LYRM4: variants seen among roughly 807,000 people sequenced by gnomAD.
LYRM4 encodes LYR motif-containing protein 4.
In LYRM4, 9 loss-of-function variants were observed where a neutral mutation model predicts 11.7. That is an observed-to-expected ratio of 0.77 (90% confidence interval 0.46 to 1.34). The LOEUF is 1.34. LYRM4 is among the 40% of genes most tolerant of loss of function. LYRM4 has a pLI of 0.00. For missense variants in LYRM4, 133 were observed against 112.5 expected, an observed-to-expected ratio of 1.18 and a Z score of -0.82; for synonymous variants, 42 against 40.4, an observed-to-expected ratio of 1.04 and a Z score of -0.15.
intron 2 of LYRM4, among the ~76,000 whole-genome samples, chr6:5,151,273 C>T (rs771208698): frequency 2.6e-5 from 4 of 152,000 alleles, no homozygotes; most frequent in Non-Finnish European, 4.4e-5. Flanking sequence ...TTAGTAGAGA[C>T]GGGTTTTCAC....
intron 2 of LYRM4, among the ~76,000 whole-genome samples, chr6:5,171,422 A>G (rs1194735616): frequency 1.3e-5 from 2 of 152,208 alleles, no homozygotes; most frequent in African/African-American, 2.4e-5. Context: ...CATTTGGAAG[A>G]CCTATTCTGG....
At chr6:5,201,388 T>G (rs6934882) in intron 2 of LYRM4, among the ~76,000 whole-genome samples, 54,093 of 151,934 alleles carry the variant, frequency 0.36, 10,535 homozygotes, top group East Asian at 0.57. Flanking sequence ...CCTGGAAACA[T>G]ACCAATGCAT....
chr6:5,169,894 CAG>C (rs1219644191), intron 2 of LYRM4, among the ~76,000 whole-genome samples: 1 of 152,144 alleles, frequency 6.6e-6, no homozygotes, highest in African/African-American at 2.4e-5. Context: ...AGAAAGCTTT[CAG>C]AGAGACAAGC....
At chr6:5,103,480 T>C (rs2127589893), downstream of LYRM4, 1 of 152,334 alleles carries the variant, frequency 6.6e-6, no homozygotes, top group East Asian at 1.9e-4. Flanking sequence ...TTTGATCACG[T>C]GGGTTCAGAC....
intron 1 of LYRM4, among the ~76,000 whole-genome samples, chr6:5,227,564 A>G (rs1036154126): frequency 2.6e-5 from 4 of 152,200 alleles, no homozygotes. Context: ...GAAATTCCCC[A>G]AGGAATTTGT....
chr6:5,057,111 CA>C, the LYRM4 span, among the ~76,000 whole-genome samples: 2 of 152,102 alleles, frequency 1.3e-5, no homozygotes, highest in Non-Finnish European at 2.9e-5. Context: ...GGTATCAGTG[CA>C]AGTGTCCACA....
At chr6:5,171,790 C>T (rs956901536) in intron 2 of LYRM4, among the ~76,000 whole-genome samples, 7 of 152,170 alleles carry the variant, frequency 4.6e-5, no homozygotes, top group Non-Finnish European at 8.8e-5. Flanking sequence ...GATGAGATTT[C>T]CCCTGTTTTA....
intron 2 of LYRM4, among the ~76,000 whole-genome samples, chr6:5,191,561 T>G (rs560628367): frequency 6.6e-6 from 1 of 152,328 alleles, no homozygotes; most frequent in East Asian, 1.9e-4. Flanking sequence ...AATTTACCTG[T>G]CTGTAATTTA....
chr6:5,096,408 TGA>T, the LYRM4 span, among the ~76,000 whole-genome samples: 1 of 152,132 alleles, frequency 6.6e-6, no homozygotes, highest in Non-Finnish European at 1.5e-5. Flanking sequence ...GAGGATTGCT[TGA>T]GCCTGGGAGG....
At chr6:5,124,704 C>A (rs1763623827) in intron 2 of LYRM4, among the ~76,000 whole-genome samples, 1 of 152,208 alleles carries the variant, frequency 6.6e-6, no homozygotes, top group African/African-American at 2.4e-5. Context: ...CAGCAAGTGT[C>A]CCTGACCCAC....
At chr6:5,205,158 T>C (rs978045117) in intron 2 of LYRM4, among the ~76,000 whole-genome samples, 1 of 152,246 alleles carries the variant, frequency 6.6e-6, no homozygotes, top group Non-Finnish European at 1.5e-5. Context: ...AATGTGATCA[T>C]GCTATTAAGC....
chr6:5,230,381 T>C (rs185929391), intron 1 of LYRM4, among the ~76,000 whole-genome samples: 1 of 152,320 alleles, frequency 6.6e-6, no homozygotes, highest in East Asian at 1.9e-4. Flanking sequence ...ATAGTCCCCA[T>C]GTATAAAAGC....
At chr6:5,164,201 T>C (rs1010155115) in intron 2 of LYRM4, among the ~76,000 whole-genome samples, 1 of 152,134 alleles carries the variant, frequency 6.6e-6, no homozygotes, top group African/African-American at 2.4e-5. Context: ...GCTGGACACA[T>C]ATGCAAAATC....
intron 2 of LYRM4, among the ~76,000 whole-genome samples, chr6:5,140,309 A>G (rs969508445): frequency 6.6e-6 from 1 of 152,088 alleles, no homozygotes; most frequent in Non-Finnish European, 1.5e-5. Context: ...CCTGATTTGC[A>G]AAGTGTTATT....
chr6:5,205,898 C>T (rs1761667737), intron 2 of LYRM4, among the ~76,000 whole-genome samples: 1 of 152,194 alleles, frequency 6.6e-6, no homozygotes, highest in African/African-American at 2.4e-5. Flanking sequence ...TCACCATGAT[C>T]CATGCAACAC....
chr6:5,157,978 CA>C (rs1266539598), intron 2 of LYRM4, among the ~76,000 whole-genome samples: 3 of 152,292 alleles, frequency 2.0e-5, no homozygotes, highest in East Asian at 1.9e-4. Flanking sequence ...CAGGACTTGA[CA>C]GGGGGGCTGG....
chr6:5,245,175 A>G, intron 1 of LYRM4, among the ~76,000 whole-genome samples: 1 of 108,658 alleles, frequency 9.2e-6, no homozygotes, highest in East Asian at 3.0e-4. Context: ...AAATAGGTGA[A>G]TTTCTGGAAC....
chr6:5,252,076 C>G (rs2127772500), intron 1 of LYRM4, among the ~76,000 whole-genome samples: 1 of 152,322 alleles, frequency 6.6e-6, no homozygotes, highest in African/African-American at 2.4e-5. Context: ...TGACGTTGAT[C>G]AGCACTTAGG....
chr6:5,051,026 C>T, the LYRM4 span, among the ~76,000 whole-genome samples: 28 of 152,004 alleles, frequency 1.8e-4, no homozygotes, highest in Admixed American at 1.8e-3. Flanking sequence ...AGTACAATAA[C>T]AAATGAAATT....
Sources: allele counts gnomAD v4.1 joint callset (sites outside exome capture counted in the v4.1 genomes callset), GRCh38; gene constraint gnomAD v4.1.1; transcripts MANE v1.5; gene names NCBI Gene and HGNC (gene_info 2026-07-23, HGNC 2026-07-21).